The following COL21A1 variants were observed in gnomAD, a reference collection of about 807,000 sequenced individuals.
COL21A1 encodes collagen type XXI alpha 1 chain, also known as collagen alpha-1(XXI) chain.
In COL21A1, 149 loss-of-function variants were observed where a neutral mutation model predicts 137.9. That is an observed-to-expected ratio of 1.08 (90% confidence interval 0.95 to 1.24). The LOEUF (loss-of-function observed/expected upper bound fraction) is 1.24. COL21A1 is among the 50% of genes most tolerant of loss of function. The probability of loss-of-function intolerance (pLI) is 0.00; values close to 1 mark genes in which losing one functional copy is unlikely to be tolerated. For synonymous variants in COL21A1, 456 were observed against 391.5 expected, an observed-to-expected ratio of 1.16 and a Z score of -1.95; for missense variants, 1,167 against 1,158.4, an observed-to-expected ratio of 1.01 and a Z score of -0.11.
At chr6:56,134,937 T>A (rs1773863974) in intron 12 of COL21A1, among the ~76,000 whole-genome samples, 1 of 152,052 alleles carries the variant, frequency 6.6e-6, no homozygotes, top group Non-Finnish European at 1.5e-5. Context: ...AATTGCCCAG[T>A]CTCAGGTATG....
At chr6:56,206,957 T>A (rs2152302741) in intron 1 of COL21A1, among the ~76,000 whole-genome samples, 1 of 151,762 alleles carries the variant, frequency 6.6e-6, no homozygotes, top group Non-Finnish European at 1.5e-5. Flanking sequence ...AATAACAAAA[T>A]GAAGGCAGAA....
At chr6:56,197,665 C>T (rs1779112731) in intron 1 of COL21A1, among the ~76,000 whole-genome samples, 2 of 152,000 alleles carry the variant, frequency 1.3e-5, no homozygotes. Context: ...CCACTTCACA[C>T]CTGTTAGCAC....
intron 1 of COL21A1, among the ~76,000 whole-genome samples, chr6:56,267,829 A>C (rs951082456): frequency 6.6e-6 from 1 of 151,882 alleles, no homozygotes; most frequent in African/African-American, 2.4e-5. Context: ...ATTTGCAGGG[A>C]GGGGATAAGA....
intron 1 of COL21A1, among the ~76,000 whole-genome samples, chr6:56,209,348 G>T (rs911272745): frequency 6.6e-6 from 1 of 151,984 alleles, no homozygotes; most frequent in Non-Finnish European, 1.5e-5. Context: ...AGGCAACCTA[G>T]AGAATGGGAG....
At chr6:56,062,827 CAACA>C (rs1251795699) in intron 24 of COL21A1, among the ~76,000 whole-genome samples, 37 of 151,924 alleles carry the variant, frequency 2.4e-4, no homozygotes, top group Non-Finnish European at 3.8e-4. Flanking sequence ...CAACTAGGAC[CAACA>C]TAAGAGAGAC....
At chr6:56,110,425 G>T (rs1057075749) in intron 16 of COL21A1, among the ~76,000 whole-genome samples, 1 of 151,822 alleles carries the variant, frequency 6.6e-6, no homozygotes, top group Admixed American at 6.6e-5. Context: ...CCTAAGGTCA[G>T]AAGCAAGGCA....
intron 1 of COL21A1, among the ~76,000 whole-genome samples, chr6:56,333,496 A>G (rs1297114653): frequency 1.3e-5 from 2 of 152,118 alleles, no homozygotes; most frequent in South Asian, 2.1e-4. Context: ...TTAGTAGTTC[A>G]TAGTATAAAT....
chr6:56,159,794 GT>G (rs1776058780), intron 9 of COL21A1, among the ~76,000 whole-genome samples: 1 of 151,990 alleles, frequency 6.6e-6, no homozygotes, highest in Non-Finnish European at 1.5e-5. Flanking sequence ...ATTTGACAGG[GT>G]TTAATCTCTA....
chr6:56,182,224 A>G (rs1246159256), intron 2 of COL21A1, among the ~76,000 whole-genome samples: 1 of 152,140 alleles, frequency 6.6e-6, no homozygotes, highest in East Asian at 1.9e-4. Context: ...ACCAATCTAG[A>G]AGGCTTTCTT....
intron 1 of COL21A1, among the ~76,000 whole-genome samples, chr6:56,299,249 C>T (rs561360491): frequency 6.6e-6 from 1 of 150,826 alleles, no homozygotes; most frequent in South Asian, 2.1e-4. Flanking sequence ...CTACATAGAA[C>T]CTTTCTGCTT....
chr6:56,159,355 C>T (rs1468425384), intron 9 of COL21A1, among the ~76,000 whole-genome samples: 3 of 130,274 alleles, frequency 2.3e-5, no homozygotes, highest in African/African-American at 6.2e-5. Flanking sequence ...TTTTTTGAGA[C>T]GGAGTCTTGC....
intron 1 of COL21A1, among the ~76,000 whole-genome samples, chr6:56,364,108 C>T (rs905669947): frequency 6.6e-6 from 1 of 151,898 alleles, no homozygotes; most frequent in Non-Finnish European, 1.5e-5. Flanking sequence ...ATATCTACAT[C>T]TTTGACGGAG....
At chr6:56,364,648 A>G (rs945884720) in intron 1 of COL21A1, among the ~76,000 whole-genome samples, 1 of 151,808 alleles carries the variant, frequency 6.6e-6, no homozygotes, top group African/African-American at 2.4e-5. Context: ...CCTTCATTTT[A>G]TCTTGCCTGG....
intron 1 of COL21A1, among the ~76,000 whole-genome samples, chr6:56,357,534 A>G (rs1056049163): frequency 3.3e-5 from 5 of 152,232 alleles, no homozygotes; most frequent in Admixed American, 3.3e-4. Flanking sequence ...AAAAACAAAT[A>G]AAGATGAATT....
Position 56,382,456 on chromosome 6 carries a change from A to T in COL21A1, c.-39+11515T>A, listed in dbSNP as rs566435137. The stretch of plus-strand genomic sequence containing the variant: ...CCACCTCCTTCTTTCTCTGTCTGCT[A>T]TGAACTAAATTGTGTCCCCCTTAGC... On this transcript the variant is annotated intron_variant, in intron 1 of 28. Coordinates refer to the COL21A1 transcript ENST00000370819. 1.3e-4 allele frequency among the ~76,000 whole-genome samples: 20 copies of T among 152,300 alleles called. No individual in the cohort carries two copies. The South Asian group carries it at 3.5e-3, about 27-fold the overall frequency.
intron 1 of COL21A1, among the ~76,000 whole-genome samples, chr6:56,295,518 T>C (rs1335904692): frequency 1.3e-5 from 2 of 152,040 alleles, no homozygotes; most frequent in Non-Finnish European, 2.9e-5. Context: ...ATTGAATCCA[T>C]AGATGAAGTT....
intron 16 of COL21A1, among the ~76,000 whole-genome samples, chr6:56,112,684 T>C (rs1771547205): frequency 7.2e-6 from 1 of 138,942 alleles, no homozygotes; most frequent in Non-Finnish European, 1.6e-5. Flanking sequence ...TCTTTTCTTT[T>C]TTCTTTTTTT....
At chr6:56,074,887 A>G (rs1767076079) in intron 19 of COL21A1, among the ~76,000 whole-genome samples, 1 of 151,470 alleles carries the variant, frequency 6.6e-6, no homozygotes, top group African/African-American at 2.4e-5. Flanking sequence ...AAAAAATTAT[A>G]TCATTAGAAA....
rs1424640146 is a variant in COL21A1, at chr6:56,098,602, T to A, written c.1812+2870A>T. On this transcript the variant is annotated intron_variant, in intron 17 of 29. Transcript: ENST00000244728. ...ATATATATAAATATATAAATATATA[T>A]ATAAATATATATAAATATATATAAA... Among the ~76,000 whole-genome samples the A allele has an allele frequency of 7.0e-4, 20 of 28,404 alleles. 3 individuals are homozygous for A. The highest frequency in any genetic ancestry group is 3.9e-3 in the African/African-American group (19 of 4,882). 18.6% of individuals were successfully genotyped at this position (28,404 alleles called of 152,430 possible). A position where few individuals can be genotyped will look rare whatever the true frequency, so the allele number is the denominator to read the frequency against.
Sources: gnomAD v4.1 joint callset for allele counts (sites outside exome capture counted in the v4.1 genomes callset) on GRCh38, gnomAD v4.1.1 for gene constraint, MANE v1.5 for transcripts, NCBI Gene and HGNC (gene_info 2026-07-23, HGNC 2026-07-21) for gene names.